TECR: variants seen among roughly 807,000 people sequenced by gnomAD.
TECR encodes very-long-chain enoyl-CoA reductase.
Under a neutral mutation model 50.6 loss-of-function variants are expected in TECR, and 19 were observed. The ratio of observed to expected loss-of-function variants is 0.38; its 90% CI spans 0.26 to 0.55. TECR has a LOEUF of 0.55. TECR is among the 20% of genes least tolerant of loss of function. The probability of loss-of-function intolerance (pLI) is 0.79; values close to 1 mark genes in which losing one functional copy is unlikely to be tolerated. For missense variants in TECR, 313 were observed against 408.3 expected (o/e 0.77, Z 2.01); for synonymous variants, 168 against 163.5 (o/e 1.03, Z -0.21).
intron 1 of TECR, among the ~76,000 whole-genome samples, chr19:14,560,720 C>T (rs2073878174): frequency 6.6e-6 from 1 of 152,244 alleles, no homozygotes; most frequent in African/African-American, 2.4e-5. Flanking sequence ...GATTTCCTGG[C>T]TGCTGGGCCC....
chr19:14,556,562 C>G (rs969593917), intron 1 of TECR, among the ~76,000 whole-genome samples: 1 of 152,128 alleles, frequency 6.6e-6, no homozygotes, highest in Non-Finnish European at 1.5e-5. Context: ...GTCCCATGAA[C>G]CCCAGAGGCT....
At chr19:14,527,803 G>A (rs1364292584), upstream of TECR, 1 of 152,252 alleles carries the variant, frequency 6.6e-6, no homozygotes, top group Non-Finnish European at 1.5e-5. Flanking sequence ...AAAGCTCAGG[G>A]GCAGGATCTG....
chr19:14,539,960 A>C (rs1278414777), intron 1 of TECR, among the ~76,000 whole-genome samples: 8 of 145,822 alleles, frequency 5.5e-5, no homozygotes, highest in African/African-American at 2.5e-5. Context: ...GCTCACTGCA[A>C]CCTCCACCTC....
chr19:14,564,906 C>T, intron 8 of TECR, 43 bp from the exon 9 acceptor site: 2 of 1,614,050 alleles, frequency 1.2e-6, no homozygotes, highest in Admixed American at 1.7e-5. Context: ...CCCCACCCAG[C>T]GGGTCCTCCC....
chr19:14,563,672 C>A lies in TECR; in HGVS notation c.133C>A (p.Pro45Thr). 1 of 1,612,222 alleles carries A rather than the reference C, an allele frequency of 6.2e-7. No homozygotes were observed. Among genetic ancestry groups the A allele is most frequent in the Non-Finnish European group, 8.5e-7 (1 of 1,179,854 alleles). ...TCTCCCCGCAGATCCGCAGTGGTACCCCGCCCGCCAGTCCCTCCGCCTGGA... is the reference window on the plus strand; with the variant it reads ...TCTCCCCGCAGATCCGCAGTGGTACACCGCCCGCCAGTCCCTCCGCCTGGA... ...LFTKTHPQWY[P>T]ARQSLRLDPK... The change falls in exon 4 of 13, where the codon CCC becomes ACC. Residue 45 changes from proline to threonine, a missense_variant. Physicochemically the swap from Pro to Thr is conservative, Grantham distance 38. Coordinates refer to ENST00000215567, the MANE Select transcript of TECR (RefSeq NM_138501.6). This position sits in a 1 kb window ranked among gnomAD's most constrained non-coding sequence, Gnocchi z 5.3.
rs776469956 is a variant in TECR, at chr19:14,529,721, G to C, written c.15+10G>C. ...CATGAAGCATTACGAGGTAAGAAGCGAGAAACAGGGGCCGTGTGGCCACTG... is the reference window on the plus strand; with the variant it reads ...CATGAAGCATTACGAGGTAAGAAGCCAGAAACAGGGGCCGTGTGGCCACTG... On this transcript the variant is annotated intron_variant, in intron 1 of 12. Coordinates refer to ENST00000215567, the MANE Select transcript of TECR (RefSeq NM_138501.6). The C allele has an allele frequency of 7.4e-6, 12 of 1,613,970 alleles. No individual in the cohort carries two copies. In the South Asian group the frequency reaches 1.3e-4, roughly 18 times the overall value.
rs1354373082 is a variant in TECR, at chr19:14,563,787, C to T, written c.164-13C>T. ...CCCGGGTAGCCCCTGAGCCCTGGCC[C>T]GCCTCTCTGCAGAGGGCAAGTCCCT... On this transcript the variant is annotated splice_polypyrimidine_tract_variant and intron_variant, in intron 4 of 12. Transcript: ENST00000215567. This position sits in a 1 kb window ranked among gnomAD's most constrained non-coding sequence, Gnocchi z 5.3. 6.8e-6 allele frequency: 11 copies of T among 1,613,426 alleles called. No homozygotes were observed. Among genetic ancestry groups the T allele is most frequent in the East Asian group, 4.5e-5 (2 of 44,872 alleles).
Position 14,563,857 on chromosome 19 carries a change from C to T in TECR, c.221C>T (p.Ala74Val), listed in dbSNP as rs1191862746. 1.2e-6 allele frequency: 2 copies of T among 1,613,902 alleles called. No individual in the cohort carries two copies. Among genetic ancestry groups the T allele is most frequent in the Non-Finnish European group, 1.7e-6 (2 of 1,179,948 alleles). ...VLQKLPVGTT[A>V]TLYFRDLGAQ... ...CAGAAGCTGCCCGTGGGCACCACGG[C>T]CACACTGTACTTCCGGGACCTGGGG... Residue 74 changes from alanine to valine, a missense_variant, in exon 5 of 13, where the codon GCC (alanine) becomes GTC (valine). Coordinates refer to ENST00000215567, the MANE Select transcript of TECR (RefSeq NM_138501.6). This position sits in a 1 kb window ranked among gnomAD's most constrained non-coding sequence, Gnocchi z 5.3.
At chr19:14,548,679 G>A (rs1168825928) in intron 1 of TECR, among the ~76,000 whole-genome samples, 1 of 152,078 alleles carries the variant, frequency 6.6e-6, no homozygotes, top group Non-Finnish European at 1.5e-5. Flanking sequence ...CCAGGTTCAA[G>A]CAATTCTCCT....
At chr19:14,562,864 C>T (rs1440213826) in intron 2 of TECR, among the ~76,000 whole-genome samples, 1 of 152,070 alleles carries the variant, frequency 6.6e-6, no homozygotes, top group Non-Finnish European at 1.5e-5. Flanking sequence ...CTTGCGCTGT[C>T]CCTGGGGAGG....
At chr19:14,539,641 C>T (rs1422252595) in intron 1 of TECR, among the ~76,000 whole-genome samples, 1 of 152,118 alleles carries the variant, frequency 6.6e-6, no homozygotes, top group Non-Finnish European at 1.5e-5. Flanking sequence ...ATGCTACTGT[C>T]TTTCACAGAT....
In TECR at chr19:14,563,733, C is replaced by T. The variant is rs780297397; in HGVS notation, c.163+31C>T. The T allele has an allele frequency of 1.2e-6, 2 of 1,613,078 alleles. No individual in the cohort carries two copies. The highest frequency in any genetic ancestry group is 1.1e-5 in the South Asian group (1 of 91,080). On this transcript the variant is annotated intron_variant, in intron 4 of 12. Coordinates refer to ENST00000215567, the MANE Select transcript of TECR (RefSeq NM_138501.6). This position sits in a 1 kb window ranked among gnomAD's most constrained non-coding sequence, Gnocchi z 5.3. The stretch of plus-strand genomic sequence containing the variant: ...TACAGCTGTCCACTCGGCCCGCCCC[C>T]TGGGCTCCTGGGTGGCAGTGGGAGA...
chr19:14,554,598 C>T (rs78656540), intron 1 of TECR, among the ~76,000 whole-genome samples: 3,614 of 152,250 alleles, frequency 0.024, 56 homozygotes, highest in African/African-American at 0.03. Flanking sequence ...GTGTGCCAGG[C>T]CTTCAGGCTG....
intron 1 of TECR, among the ~76,000 whole-genome samples, chr19:14,535,586 A>G (rs1026026347): frequency 1.5e-3 from 61 of 41,064 alleles, no homozygotes; most frequent in Admixed American, 5.0e-3. Flanking sequence ...ATATATATAT[A>G]TATGTATGTA....
intron 1 of TECR, among the ~76,000 whole-genome samples, chr19:14,556,722 C>T (rs996042045): frequency 1.3e-5 from 2 of 152,214 alleles, no homozygotes; most frequent in Admixed American, 6.5e-5. Context: ...AGGTCCCATT[C>T]TGCACCAGAG....
chr19:14,556,731 A>G (rs1455573063), intron 1 of TECR, among the ~76,000 whole-genome samples: 1 of 152,162 alleles, frequency 6.6e-6, no homozygotes, highest in African/African-American at 2.4e-5. Context: ...TCTGCACCAG[A>G]GCTGTCTCCG....
At chr19:14,534,752 T>C (rs774970589) in intron 1 of TECR, among the ~76,000 whole-genome samples, 9 of 152,066 alleles carry the variant, frequency 5.9e-5, no homozygotes, top group Non-Finnish European at 5.9e-5. Context: ...GTGAGTCTTA[T>C]TAGCACCTGA....
Position 14,563,541 on chromosome 19 carries a change from G to A in TECR, c.119-117G>A. The A allele has an allele frequency of 7.4e-7, 1 of 1,358,396 alleles. No homozygotes were observed. Among genetic ancestry groups the A allele is most frequent in the Non-Finnish European group, 1.0e-6 (1 of 964,778 alleles). 84.1% of individuals were successfully genotyped at this position (1,358,396 alleles called of 1,614,324 possible). The stretch of plus-strand genomic sequence containing the variant: ...GGTTTGCCCCCAGGTGGGAGGAGCT[G>A]TGGAGTCCTGGGGTCCTTGCACCCT... On this transcript the variant is annotated intron_variant, in intron 3 of 12. Coordinates refer to ENST00000215567, the MANE Select transcript of TECR (RefSeq NM_138501.6). The surrounding 1 kb of genome is among the most constrained non-coding windows in gnomAD (Gnocchi z 5.3).
intron 1 of TECR, among the ~76,000 whole-genome samples, chr19:14,558,543 T>G (rs868090875): frequency 2.0e-5 from 3 of 152,144 alleles, no homozygotes; most frequent in Admixed American, 6.5e-5. Flanking sequence ...CCTCTCAGGC[T>G]AGTGGAACTG....
Sources: gnomAD v4.1 joint callset for allele counts (sites outside exome capture counted in the v4.1 genomes callset) on GRCh38, gnomAD v4.1.1 for gene constraint, Gnocchi (gnomAD v3.1) non-coding constraint, MANE v1.5 for transcripts, NCBI Gene and HGNC (gene_info 2026-07-23, HGNC 2026-07-21) for gene names.